Variants in ACER3 observed in about 807,000 individuals in gnomAD.
ACER3 encodes the protein alkaline ceramidase 3, also known as alkCDase 3.
A neutral mutation model predicts 48.9 loss-of-function variants in ACER3; 16 were observed. The ratio of observed to expected loss-of-function variants is 0.33; its 90% CI spans 0.22 to 0.50. The LOEUF (loss-of-function observed/expected upper bound fraction) is 0.50. Ranked by LOEUF, ACER3 falls within the 20% of genes least tolerant of loss-of-function variation. The probability of loss-of-function intolerance (pLI) is 0.98; values close to 1 mark genes in which losing one functional copy is unlikely to be tolerated. For synonymous variants in ACER3, 109 were observed against 107.8 expected (o/e 1.01, Z -0.07); for missense variants, 227 against 326.0 (o/e 0.70, Z 2.34).
chr11:76,928,447 C>A (rs1476978464), intron 2 of ACER3, among the ~76,000 whole-genome samples: 2 of 152,192 alleles, frequency 1.3e-5, no homozygotes, highest in Non-Finnish European at 2.9e-5. Flanking sequence ...TTTTGCTGTG[C>A]AGAAGCTCTT....
At chr11:77,020,116 C>T (rs189531614) in intron 10 of ACER3, among the ~76,000 whole-genome samples, 158 bp from the exon 11 acceptor site, 105 of 152,280 alleles carry the variant, frequency 6.9e-4, no homozygotes, top group Non-Finnish European at 1.3e-3. Flanking sequence ...TGGTCCAAGT[C>T]TAGAAGGAAT....
intron 2 of ACER3, among the ~76,000 whole-genome samples, chr11:76,929,053 A>G (rs895020479): frequency 7.9e-5 from 12 of 152,082 alleles, no homozygotes; most frequent in African/African-American, 2.4e-4. Flanking sequence ...ACTTTGGGTA[A>G]TATGGCCATT....
At chr11:76,938,879 A>G (rs1396132475) in intron 2 of ACER3, among the ~76,000 whole-genome samples, 1 of 151,990 alleles carries the variant, frequency 6.6e-6, no homozygotes, top group African/African-American at 2.4e-5. Flanking sequence ...GAAAGGAACC[A>G]AAACTTCGTG....
rs1181083191 is a variant in ACER3 at position 76,950,159 on chromosome 11, A to G, written c.215-8820A>G. On this transcript the variant is annotated intron_variant, in intron 2 of 10. Coordinates refer to ENST00000532485, the MANE Select transcript of ACER3 (RefSeq NM_018367.7). Reference sequence around the variant, plus strand: ...GCATTTAGTGCACCATATTGTAATTATCTGTGTGCTTCCTAACTTTCTCCT... The same window carrying G: ...GCATTTAGTGCACCATATTGTAATTGTCTGTGTGCTTCCTAACTTTCTCCT... 2.0e-5 allele frequency among the ~76,000 whole-genome samples: 3 copies of G among 151,578 alleles called. No individual in the cohort carries two copies. In the East Asian group the frequency reaches 5.8e-4, roughly 30 times the overall value.
intron 2 of ACER3, among the ~76,000 whole-genome samples, chr11:76,928,843 A>C (rs565323519): frequency 6.6e-6 from 1 of 152,212 alleles, no homozygotes; most frequent in East Asian, 1.9e-4. Context: ...TACCAGTACC[A>C]GGCTGTTTTG....
chr11:76,875,388 A>G (rs1973714), intron 1 of ACER3, among the ~76,000 whole-genome samples: 121,955 of 151,910 alleles, frequency 0.8, 49,700 homozygotes, highest in African/African-American at 0.93. Context: ...CTGGGATTAC[A>G]TAAAGGCGTG....
At chr11:76,955,843 A>T (rs1947826089) in intron 2 of ACER3, among the ~76,000 whole-genome samples, 1 of 152,230 alleles carries the variant, frequency 6.6e-6, no homozygotes, top group African/African-American at 2.4e-5. Flanking sequence ...TGTTCATATA[A>T]TGGAATATTA....
At chr11:77,017,940 C>CTTTTTTTTTTTTTTTTTTTTTTTTTT (rs71043531) in intron 9 of ACER3, among the ~76,000 whole-genome samples, 1 of 75,702 alleles carries the variant, frequency 1.3e-5, no homozygotes, top group African/African-American at 5.1e-5. Context: ...GATCAGTGAT[C>CTTTTTTTTTTTTTTTTTTTTTTTTTT]TTTTTTTTTT....
At chr11:76,960,177 G>A (rs1947950357) in intron 3 of ACER3, among the ~76,000 whole-genome samples, 1 of 152,132 alleles carries the variant, frequency 6.6e-6, no homozygotes, top group Non-Finnish European at 1.5e-5. Flanking sequence ...TTGAGAGGCG[G>A]AGGTGGGTGG....
At chr11:76,998,043 A>T (rs1254101915) in intron 6 of ACER3, among the ~76,000 whole-genome samples, 1 of 152,146 alleles carries the variant, frequency 6.6e-6, no homozygotes, top group Non-Finnish European at 1.5e-5. Flanking sequence ...GGGAAGACAC[A>T]CATGCAGCAC....
At chr11:76,933,472 G>T (rs1947074580) in intron 2 of ACER3, among the ~76,000 whole-genome samples, 1 of 150,092 alleles carries the variant, frequency 6.7e-6, no homozygotes, top group Admixed American at 6.6e-5. Context: ...AGATTAGGGA[G>T]TGGTGATGAC....
intron 2 of ACER3, among the ~76,000 whole-genome samples, chr11:76,952,299 G>A (rs1161889142): frequency 1.2e-4 from 17 of 144,446 alleles, no homozygotes; most frequent in African/African-American, 2.6e-4. Context: ...TCTCCCTGTC[G>A]CCTAAGCTGG....
chr11:76,920,325 C>G (rs979505560), intron 1 of ACER3, among the ~76,000 whole-genome samples: 1 of 152,290 alleles, frequency 6.6e-6, no homozygotes, highest in African/African-American at 2.4e-5. Context: ...CCCTAGAGGG[C>G]AGAGTTCTGA....
intron 6 of ACER3, among the ~76,000 whole-genome samples, chr11:76,991,586 C>A (rs113897381): frequency 6.6e-6 from 1 of 151,784 alleles, no homozygotes; most frequent in Non-Finnish European, 1.5e-5. Context: ...GAGGCCGAGG[C>A]GGGTGGATCA....
intron 9 of ACER3, 61 bp from the exon 10 acceptor site, chr11:77,019,670 G>A (rs373224175): frequency 9.7e-5 from 147 of 1,517,240 alleles, no homozygotes; most frequent in Middle Eastern, 1.7e-4. Context: ...TTGTCAGTAC[G>A]CCAGTTTGCA....
chr11:76,861,014 C>G lies in ACER3; in HGVS notation c.38C>G (p.Pro13Arg). ...PAADREGYWG[P>R]TTSTLDWCEE... ...GCGGACCGAGAGGGCTACTGGGGCCCCACGACCTCCACGCTGGACTGGTGC... is the reference window on the plus strand; with the variant it reads ...GCGGACCGAGAGGGCTACTGGGGCCGCACGACCTCCACGCTGGACTGGTGC... The change falls in exon 1 of 11, where the codon CCC becomes CGC. Residue 13 changes from proline to arginine, a missense_variant. This residue lies in a region of ACER3 where 27 missense variants were observed against 18.1 expected (regional missense o/e 1.49). Coordinates refer to ENST00000532485, the MANE Select transcript of ACER3 (RefSeq NM_018367.7). 1 of 1,547,002 alleles carries G rather than the reference C, an allele frequency of 6.5e-7. No homozygotes were observed. Among genetic ancestry groups the G allele is most frequent in the South Asian group, 1.2e-5 (1 of 83,876 alleles).
chr11:76,898,671 G>A (rs571206254), intron 1 of ACER3, among the ~76,000 whole-genome samples: 34 of 151,804 alleles, frequency 2.2e-4, no homozygotes, highest in African/African-American at 6.8e-4. Flanking sequence ...TTGGGAGGCC[G>A]AGGCGGGCGG....
At chr11:76,964,033 G>A (rs1390422472) in intron 3 of ACER3, among the ~76,000 whole-genome samples, 1 of 151,476 alleles carries the variant, frequency 6.6e-6, no homozygotes, top group Admixed American at 6.5e-5. Context: ...CACCCAGGAA[G>A]TGCAAGGGGT....
chr11:76,994,714 T>C (rs1204396142), intron 6 of ACER3, among the ~76,000 whole-genome samples: 1 of 152,230 alleles, frequency 6.6e-6, no homozygotes, highest in East Asian at 1.9e-4. Flanking sequence ...CAGGAATAAG[T>C]CACCCTTCCT....
Sources: gnomAD v4.1 joint callset for allele counts (sites outside exome capture counted in the v4.1 genomes callset) on GRCh38, gnomAD v4.1.1 for gene constraint, gnomAD v4.1.1 regional missense constraint, MANE v1.5 for transcripts, NCBI Gene and HGNC (gene_info 2026-07-23, HGNC 2026-07-21) for gene names.